PLEKHO1: variants seen among roughly 807,000 people sequenced by gnomAD.
PLEKHO1 encodes pleckstrin homology domain-containing family O member 1.
Under a neutral mutation model 41.4 loss-of-function variants are expected in PLEKHO1, and 22 were observed. That is an observed-to-expected ratio of 0.53 (90% CI 0.38 to 0.76). PLEKHO1 has a LOEUF of 0.76. Ranked by LOEUF, PLEKHO1 falls within the 30% of genes least tolerant of loss-of-function variation. The pLI, the probability that PLEKHO1 is intolerant of heterozygous loss-of-function variation, is 0.00. For synonymous variants in PLEKHO1, 225 were observed against 210.8 expected (o/e 1.07, Z -0.58); for missense variants, 488 against 518.3 (o/e 0.94, Z 0.57).
At chr1:150,155,162 A>C (rs1660113804) in intron 2 of PLEKHO1, 1 of 152,224 alleles carries the variant, frequency 6.6e-6, no homozygotes, top group Admixed American at 6.5e-5. Flanking sequence ...GTGGAACCAG[A>C]GTGCGGGACG....
chr1:150,152,722 A>C (rs1571943607), intron 2 of PLEKHO1: 2 of 142,028 alleles, frequency 1.4e-5, no homozygotes, highest in Non-Finnish European at 3.1e-5. Context: ...ACAAGTGTCA[A>C]AGTGTATCTC....
In PLEKHO1 at chr1:150,157,393, T is replaced by G; in HGVS notation, c.432T>G (p.Val144=). ...AKNRILDEVT[V]EEDSYLAHPT... ...ACAGTACATCTCTTCAGGTCACCGT[T>G]GAGGAGGACAGCTATCTTGCCCATC... The change falls in exon 5 of 6, where the codon GTT becomes GTG. Residue 144 remains valine, a synonymous_variant. Transcript: ENST00000369124. The G allele has an allele frequency of 6.2e-7, 1 of 1,613,138 alleles. No homozygotes were observed. The highest frequency in any genetic ancestry group is 8.5e-7 in the Non-Finnish European group (1 of 1,179,208).
Position 150,156,065 on chromosome 1 carries a change from G to C in PLEKHO1, c.178-1G>C, listed in dbSNP as rs1559961562. The C allele has an allele frequency of 6.2e-7, 1 of 1,612,868 alleles. No individual in the cohort carries two copies. Among genetic ancestry groups the C allele is most frequent in the Non-Finnish European group, 8.5e-7 (1 of 1,179,226 alleles). On this transcript the variant is annotated splice_acceptor_variant, in intron 2 of 5. Transcript: ENST00000369124. LOFTEE classifies it high-confidence loss of function. ...CTCACCTCACCCCAACCCTCCCCTAGGTAAAAGATGAGAAAAATATTCAAG... is the reference window on the plus strand; with the variant it reads ...CTCACCTCACCCCAACCCTCCCCTACGTAAAAGATGAGAAAAATATTCAAG...
chr1:150,152,546 A>AC (rs1465621568), intron 2 of PLEKHO1, among the ~76,000 whole-genome samples: 2 of 151,074 alleles, frequency 1.3e-5, no homozygotes, highest in Non-Finnish European at 3.0e-5. Flanking sequence ...CAAGTGAACC[A>AC]CCCGCCTCAG....
In PLEKHO1 at chr1:150,159,237, A is replaced by G. The variant is rs782108172; in HGVS notation, c.944A>G (p.Lys315Arg). 3.7e-6 allele frequency: 6 copies of G among 1,614,120 alleles called. No homozygotes were observed. The highest frequency in any genetic ancestry group is 3.4e-6 in the Non-Finnish European group (4 of 1,179,992). ...CGGATCCAGGACCTGGTAGCAAGGA[A>G]ACTGGAGGAGACTCAGGAGCTTCTG... is the stretch of plus-strand genomic sequence containing the variant. The part of the protein sequence containing the change: ...LSRIQDLVAR[K>R]LEETQELLAE... The change falls in exon 6 of 6, where the codon AAA becomes AGA. Residue 315 changes from lysine to arginine, a missense_variant. Transcript: ENST00000369124.
intron 3 of PLEKHO1, 129 bp from the exon 4 acceptor site, chr1:150,156,782 G>T: frequency 1.5e-6 from 1 of 667,030 alleles, no homozygotes; most frequent in Non-Finnish European, 2.7e-6. Context: ...GGATGACTCT[G>T]GAAGCAGAAT....
rs1660352186 is a variant in PLEKHO1, at chr1:150,159,627, T to A, written c.*104T>A. Reference sequence around the variant, plus strand: ...CTCAATCAAAAAAAGAAAACAAAAATGAACTCATTGCTCTTGCTGATGCCT... The same window carrying A: ...CTCAATCAAAAAAAGAAAACAAAAAAGAACTCATTGCTCTTGCTGATGCCT... On this transcript the variant is annotated 3_prime_UTR_variant, in exon 6 of 6. Coordinates refer to ENST00000369124, the MANE Select transcript of PLEKHO1 (RefSeq NM_016274.6). 1 of 773,060 alleles carries A rather than the reference T, an allele frequency of 1.3e-6. No individual in the cohort carries two copies. Among genetic ancestry groups the A allele is most frequent in the South Asian group, 2.0e-5 (1 of 49,500 alleles). 47.9% of individuals were successfully genotyped at this position (773,060 alleles called of 1,614,324 possible).
chr1:150,157,804 T>C (rs56349882), intron 5 of PLEKHO1, among the ~76,000 whole-genome samples: 22,327 of 152,134 alleles, frequency 0.15, 1,779 homozygotes, highest in Non-Finnish European at 0.17. Flanking sequence ...GTACCGCGGG[T>C]GTTTGGAGGA....
At position 150,159,496 on chromosome 1, in the gene PLEKHO1, C is replaced by G; in HGVS notation, c.1203C>G (p.His401Gln). The G allele has an allele frequency of 6.2e-7, 1 of 1,611,034 alleles. No individual in the cohort carries two copies. The highest frequency in any genetic ancestry group is 8.5e-7 in the Non-Finnish European group (1 of 1,178,016). The change falls in exon 6 of 6, where the codon CAC (histidine) becomes CAG (glutamine). Residue 401 changes from histidine (H) to glutamine (Q), a missense_variant. Physicochemically the swap from His to Gln is conservative, Grantham distance 24. Coordinates refer to ENST00000369124, the MANE Select transcript of PLEKHO1 (RefSeq NM_016274.6). ...PDSHLRQTTP[H>Q]SQYRKSLM ...CCCACCTCAGACAGACCACCCCGCA[C>G]AGTCAGTACCGGAAGAGCCTGATGT...
chr1:150,154,115 C>T (rs1260267475), intron 2 of PLEKHO1: 4 of 151,608 alleles, frequency 2.6e-5, no homozygotes, highest in African/African-American at 9.8e-5. Flanking sequence ...CTTTCCTTCC[C>T]TTCCCCTAAG....
intron 2 of PLEKHO1, among the ~76,000 whole-genome samples, chr1:150,152,088 G>C (rs1229957156): frequency 3.3e-5 from 5 of 152,152 alleles, no homozygotes; most frequent in African/African-American, 1.2e-4. Flanking sequence ...GCTTTCTGCA[G>C]TAGACATCCT....
At chr1:150,152,724 G>C (rs1660003677) in intron 2 of PLEKHO1, 1 of 123,618 alleles carries the variant, frequency 8.1e-6, no homozygotes, top group Non-Finnish European at 1.7e-5. Flanking sequence ...AAGTGTCAAA[G>C]TGTATCTCCT....
In PLEKHO1 at chr1:150,159,520, G is replaced by A. The variant is rs1233538964; in HGVS notation, c.1227G>A (p.Met409Ile). The part of the protein sequence containing the change: ...TPHSQYRKSL[M>I] ...ACAGTCAGTACCGGAAGAGCCTGAT[G>A]TGAGGGCAGGGTGGGGTCTGGAACT... The change falls in exon 6 of 6, where the codon ATG becomes ATA. Residue 409 changes from methionine (M) to isoleucine (I), a missense_variant. By Grantham distance (10) the Met-to-Ile change is conservative. Transcript: ENST00000369124. The A allele has an allele frequency of 4.4e-6, 7 of 1,588,412 alleles. No individual in the cohort carries two copies. The highest frequency in any genetic ancestry group is 6.0e-6 in the Non-Finnish European group (7 of 1,162,536).
rs782239583 is a variant in PLEKHO1, at chr1:150,156,198, G to A, written c.310G>A (p.Gly104Ser). Reference protein sequence around the residue: ...KFTLAHSKQPGNTAPNLIFLA... With the variant: ...KFTLAHSKQPSNTAPNLIFLA... Reference sequence around the variant, plus strand: ...TACTCTTGCCCACTCCAAACAGCCCGGTAACACGGTATGTTTCTCCTGCCA... The same window carrying A: ...TACTCTTGCCCACTCCAAACAGCCCAGTAACACGGTATGTTTCTCCTGCCA... Residue 104 changes from glycine (G) to serine (S), a missense_variant, in exon 3 of 6, where the codon GGT (glycine) becomes AGT (serine). This residue lies in a region of PLEKHO1 where 59 missense variants were observed against 111.5 expected (regional missense o/e 0.53). Transcript: ENST00000369124. 6.8e-6 allele frequency: 11 copies of A among 1,613,208 alleles called. No individual in the cohort carries two copies. The highest frequency in any genetic ancestry group is 5.0e-5 in the Admixed American group (3 of 59,918).
Position 150,159,565 on chromosome 1 carries a change from T to G in PLEKHO1, c.*42T>G, listed in dbSNP as rs1571954670. ...GGAACTTGTCGGGTTGGACAGACTC[T>G]TATCTCCGTGTTGCTGGATAAAGCT... On this transcript the variant is annotated 3_prime_UTR_variant, in exon 6 of 6. Coordinates refer to ENST00000369124, the MANE Select transcript of PLEKHO1 (RefSeq NM_016274.6). 3.1e-6 allele frequency: 4 copies of G among 1,300,702 alleles called. No homozygotes were observed. Among genetic ancestry groups the G allele is most frequent in the Non-Finnish European group, 2.1e-6 (2 of 942,590 alleles). 80.6% of individuals were successfully genotyped at this position (1,300,702 alleles called of 1,614,324 possible). A position where few individuals can be genotyped will look rare whatever the true frequency, so the allele number is the denominator to read the frequency against.
chr1:150,158,006 G>A (rs782261260), intron 5 of PLEKHO1, among the ~76,000 whole-genome samples: 6 of 152,324 alleles, frequency 3.9e-5, no homozygotes, highest in Admixed American at 3.9e-4. Flanking sequence ...GTCTCCAACT[G>A]TAAAATGAGG....
chr1:150,159,407 G>T lies in PLEKHO1; in HGVS notation c.1114G>T (p.Val372Leu). 1.9e-6 allele frequency: 3 copies of T among 1,614,134 alleles called. No individual in the cohort carries two copies. Among genetic ancestry groups the T allele is most frequent in the Non-Finnish European group, 2.5e-6 (3 of 1,180,024 alleles). Reference protein sequence around the residue: ...ASSNWSQAKRVLQEVRELRDL... With the variant: ...ASSNWSQAKRLLQEVRELRDL... ...ATCGAATTGGAGCCAGGCAAAGAGG[G>T]TGCTGCAGGAGGTCAGGGAGCTGAG... The change falls in exon 6 of 6, where the codon GTG becomes TTG. Residue 372 changes from valine to leucine, a missense_variant. This residue lies in a region of PLEKHO1 where 337 missense variants were observed against 324.6 expected (regional missense o/e 1.04). Transcript: ENST00000369124.
At chr1:150,152,711 A>AAAC (rs1660001640) in intron 2 of PLEKHO1, 1 of 150,676 alleles carries the variant, frequency 6.6e-6, no homozygotes, top group Non-Finnish European at 1.5e-5. Context: ...AAAAAAAAAA[A>AAAC]ACAAGTGTCA....
At chr1:150,149,807 GGGGGGC>G (rs1238227613), upstream of PLEKHO1, 20 of 152,864 alleles carry the variant, frequency 1.3e-4, no homozygotes, top group African/African-American at 4.1e-4. Flanking sequence ...AACAAAGGCG[GGGGGGC>G]GGGGGGAGCG....
Sources: allele counts gnomAD v4.1 joint callset (sites outside exome capture counted in the v4.1 genomes callset), GRCh38; gene constraint gnomAD v4.1.1; regional missense constraint gnomAD v4.1.1; transcripts MANE v1.5; gene names NCBI Gene and HGNC (gene_info 2026-07-23, HGNC 2026-07-21).